ZBTB40: variants seen among roughly 807,000 people sequenced by gnomAD.
ZBTB40 encodes the protein zinc finger and BTB domain containing 40.
ZBTB40 carries 60 observed loss-of-function variants against 117.5 expected under a neutral mutation model. The observed-to-expected ratio is 0.51, with a 90% CI of 0.41 to 0.63. The LOEUF (loss-of-function observed/expected upper bound fraction) is 0.63. Among genes scored for constraint, ZBTB40 ranks in the 30% least tolerant of loss-of-function variants. The pLI, the probability that ZBTB40 is intolerant of heterozygous loss-of-function variation, is 0.00. For synonymous variants in ZBTB40, 525 were observed against 577.1 expected, an observed-to-expected ratio of 0.91 and a Z score of 1.29; for missense variants, 1,287 against 1,498.5, an observed-to-expected ratio of 0.86 and a Z score of 2.33.
chr1:22,504,616 A>G (rs1304274903), intron 5 of ZBTB40, among the ~76,000 whole-genome samples: 1 of 152,214 alleles, frequency 6.6e-6, no homozygotes, highest in Non-Finnish European at 1.5e-5. Flanking sequence ...TATCAATAAC[A>G]TAGTCATTTC....
chr1:22,434,057 G>A (rs1569732624), intron 1 of ZBTB40, among the ~76,000 whole-genome samples: 3 of 152,180 alleles, frequency 2.0e-5, no homozygotes, highest in Non-Finnish European at 2.9e-5. Flanking sequence ...AGGGATCGTA[G>A]AGTGGAGTTC....
intron 1 of ZBTB40, among the ~76,000 whole-genome samples, chr1:22,460,875 C>T (rs1204649385): frequency 6.6e-6 from 1 of 152,106 alleles, no homozygotes; most frequent in Non-Finnish European, 1.5e-5. Flanking sequence ...GAATTCACAC[C>T]CAGATACTTC....
chr1:22,466,989 T>C (rs2124397874), intron 1 of ZBTB40, among the ~76,000 whole-genome samples: 1 of 152,296 alleles, frequency 6.6e-6, no homozygotes, highest in East Asian at 1.9e-4. Flanking sequence ...ATTTTATGGC[T>C]GCATAATATT....
At chr1:22,439,212 G>A (rs1640705616) in intron 1 of ZBTB40, among the ~76,000 whole-genome samples, 1 of 152,130 alleles carries the variant, frequency 6.6e-6, no homozygotes, top group Non-Finnish European at 1.5e-5. Context: ...TTGTTGTTGA[G>A]TTTTAAGAGT....
At chr1:22,449,092 G>A (rs1273374386), upstream of ZBTB40, among the ~76,000 whole-genome samples, 1 of 152,150 alleles carries the variant, frequency 6.6e-6, no homozygotes, top group Admixed American at 6.5e-5. Context: ...GGGATTACAG[G>A]TGTGAGCCAC....
chr1:22,430,498 G>A (rs7530589), intron 1 of ZBTB40, among the ~76,000 whole-genome samples: 104,362 of 152,092 alleles, frequency 0.69, 39,440 homozygotes, highest in East Asian at 0.92. Context: ...GGCTGAGGTG[G>A]GAGGATTGCT....
intron 1 of ZBTB40, among the ~76,000 whole-genome samples, chr1:22,477,735 A>T (rs6688696): frequency 0.32 from 48,329 of 151,970 alleles, 8,633 homozygotes; most frequent in African/African-American, 0.44. Context: ...ATAATAAATA[A>T]ATATTAAAGT....
intron 1 of ZBTB40, among the ~76,000 whole-genome samples, chr1:22,467,658 A>G (rs1641288680): frequency 6.6e-6 from 1 of 151,976 alleles, no homozygotes; most frequent in South Asian, 2.1e-4. Flanking sequence ...TATTTTTAGT[A>G]GAGACAGGGT....
intron 1 of ZBTB40, among the ~76,000 whole-genome samples, chr1:22,483,417 A>G (rs1638381165): frequency 6.6e-6 from 1 of 152,202 alleles, no homozygotes; most frequent in Admixed American, 6.5e-5. Flanking sequence ...CCGGCATTGA[A>G]TGAAAGTTCC....
At chr1:22,449,469 A>G (rs141266225), upstream of ZBTB40, among the ~76,000 whole-genome samples, 21 of 152,314 alleles carry the variant, frequency 1.4e-4, 1 homozygote, top group East Asian at 4.1e-3. Flanking sequence ...ATTGCTCTCC[A>G]TGACAGTATG....
Position 22,433,432 on chromosome 1 carries a change from C to CAAAAAAAAAAAAAAAAAAA in ZBTB40, c.-70+4425_-70+4443dup, listed in dbSNP as rs767913519. The stretch of plus-strand genomic sequence containing the variant: ...TGGGCGACAGAGCAAGACGCCCTCT[C>CAAAAAAAAAAAAAAAAAAA]AAAAAAAAAAAAAAAAAAAAAAAAA... On this transcript the variant is annotated intron_variant, in intron 1 of 8. Coordinates refer to the ZBTB40 transcript ENST00000650433. 4.7e-3 allele frequency among the ~76,000 whole-genome samples: 41 copies of CAAAAAAAAAAAAAAAAAAA among 8,752 alleles called. 3 individuals carry two copies. The highest frequency in any genetic ancestry group is 0.01 in the East Asian group (1 of 98). 5.7% of individuals were successfully genotyped at this position (8,752 alleles called of 152,430 possible).
At chr1:22,455,221 G>A (rs558804533) in intron 1 of ZBTB40, among the ~76,000 whole-genome samples, 4 of 150,640 alleles carry the variant, frequency 2.7e-5, no homozygotes, top group Non-Finnish European at 5.9e-5. Context: ...AGTTGGTGGC[G>A]ATTTAAAAAT....
intron 1 of ZBTB40, among the ~76,000 whole-genome samples, chr1:22,436,394 C>T (rs1346793697): frequency 6.6e-6 from 1 of 152,134 alleles, no homozygotes; most frequent in African/African-American, 2.4e-5. Context: ...TGCCTGTAAT[C>T]CCAGCTACTC....
chr1:22,517,162 C>A, intron 12 of ZBTB40, 138 bp from the exon 13 acceptor site: 1 of 1,192,804 alleles, frequency 8.4e-7, no homozygotes, highest in African/African-American at 1.5e-5. Flanking sequence ...TCTCACCCAG[C>A]GTATTGCAGA....
intron 1 of ZBTB40, among the ~76,000 whole-genome samples, chr1:22,429,888 G>A (rs1346166044): frequency 1.3e-5 from 2 of 152,112 alleles, no homozygotes; most frequent in Non-Finnish European, 2.9e-5. Flanking sequence ...CCAGCTACCC[G>A]GGAGGCTGAG....
chr1:22,451,699 G>A (rs1356178980), upstream of ZBTB40, among the ~76,000 whole-genome samples: 1 of 151,448 alleles, frequency 6.6e-6, no homozygotes. Context: ...GAGGGAAGGA[G>A]GGAGTGGCCA....
In ZBTB40 at chr1:22,509,197, C is replaced by T. The variant is rs1361867309; in HGVS notation, c.1797C>T (p.Thr599=). ...AGAAGATTGAGTACAAGCTCTTTACCTCGGAGGAGGAGCACCTGGCAGAGA... is the reference window on the plus strand; with the variant it reads ...AGAAGATTGAGTACAAGCTCTTTACTTCGGAGGAGGAGCACCTGGCAGAGA... The part of the protein sequence containing the change: ...IQQKIEYKLF[T]SEEEHLAETV... The change falls in exon 9 of 18, where the codon ACC becomes ACT. Residue 599 remains threonine (T), a synonymous_variant. Coordinates refer to ENST00000375647, the MANE Select transcript of ZBTB40 (RefSeq NM_014870.4). 5.6e-6 allele frequency: 9 copies of T among 1,614,028 alleles called. No homozygotes were observed. The Admixed American group carries it at 1.2e-4, about 21-fold the overall frequency.
chr1:22,495,492 G>C (rs934513174), intron 3 of ZBTB40, among the ~76,000 whole-genome samples: 1 of 151,878 alleles, frequency 6.6e-6, no homozygotes, highest in South Asian at 2.1e-4. Context: ...TTTTGTGCTA[G>C]GTTTTTTTTG....
At position 22,528,557 on chromosome 1, in the gene ZBTB40, G is replaced by T. The variant is rs527942323; in HGVS notation, c.*2161G>T. ...AGGTTTCTTTTTTTGGGGGAGACAGGGTCTTGCTCTGTCACCCAGACTGGA... is the reference window on the plus strand; with the variant it reads ...AGGTTTCTTTTTTTGGGGGAGACAGTGTCTTGCTCTGTCACCCAGACTGGA... On this transcript the variant is annotated 3_prime_UTR_variant, in exon 18 of 18. Coordinates refer to ENST00000375647, the MANE Select transcript of ZBTB40 (RefSeq NM_014870.4). 6.6e-6 allele frequency: 1 copy of T among 152,216 alleles called. No homozygotes were observed. Among genetic ancestry groups the T allele is most frequent in the African/African-American group, 2.4e-5 (1 of 41,400 alleles). The allele number at this position is 152,216 out of a possible 1,614,324, so 9.4% of individuals were successfully genotyped here. A position where few individuals can be genotyped will look rare whatever the true frequency, so the allele number is the denominator to read the frequency against.
Sources: allele counts gnomAD v4.1 joint callset (sites outside exome capture counted in the v4.1 genomes callset), GRCh38; gene constraint gnomAD v4.1.1; transcripts MANE v1.5; gene names NCBI Gene and HGNC (gene_info 2026-07-23, HGNC 2026-07-21).